Variants in ENTREP2 observed in about 807,000 individuals in gnomAD.
The protein encoded by ENTREP2 is endosomal transmembrane epsin interactor 2, also known as protein ENTREP2.
the ENTREP2 span, among the ~76,000 whole-genome samples, chr15:29,243,191 A>T: frequency 6.6e-6 from 1 of 152,238 alleles, no homozygotes; most frequent in Non-Finnish European, 1.5e-5. Context: ...ACAAGCTGGG[A>T]ATCCATGTTT....
the ENTREP2 span, among the ~76,000 whole-genome samples, chr15:29,573,385 C>A: frequency 6.6e-6 from 1 of 152,142 alleles, no homozygotes; most frequent in Non-Finnish European, 1.5e-5. Flanking sequence ...AAACAATGAA[C>A]AATTCATGAA....
the ENTREP2 span, among the ~76,000 whole-genome samples, chr15:29,547,221 G>T: frequency 6.6e-6 from 1 of 150,884 alleles, no homozygotes; most frequent in Non-Finnish European, 1.5e-5. Context: ...AAGTAGCTGG[G>T]ATTATAGGTG....
At chr15:29,160,649 C>CA in the ENTREP2 span, among the ~76,000 whole-genome samples, 1 of 135,522 alleles carries the variant, frequency 7.4e-6, no homozygotes, top group Non-Finnish European at 1.5e-5. Context: ...GCAGAGGTTG[C>CA]AGTGAGCCAA....
At chr15:29,606,044 C>T in the ENTREP2 span, among the ~76,000 whole-genome samples, 1 of 152,084 alleles carries the variant, frequency 6.6e-6, no homozygotes, top group East Asian at 1.9e-4. Flanking sequence ...ATTTTTATAG[C>T]TTTATCACCC....
the ENTREP2 span, among the ~76,000 whole-genome samples, chr15:29,504,211 A>C: frequency 9.2e-5 from 14 of 152,336 alleles, no homozygotes; most frequent in Admixed American, 8.5e-4. Context: ...CCCCTGCAGC[A>C]TGTTGTAAAG....
At chr15:29,659,267 G>A in the ENTREP2 span, among the ~76,000 whole-genome samples, 1 of 152,134 alleles carries the variant, frequency 6.6e-6, no homozygotes, top group Non-Finnish European at 1.5e-5. Context: ...TCAGGAGATC[G>A]AGGCCATCCT....
chr15:29,597,086 CAAAAA>C, the ENTREP2 span, among the ~76,000 whole-genome samples: 80 of 143,810 alleles, frequency 5.6e-4, no homozygotes, highest in Middle Eastern at 3.5e-3. Flanking sequence ...ATCACTCATA[CAAAAA>C]AAAAAAAAAA....
chr15:29,667,378 C>T, the ENTREP2 span, among the ~76,000 whole-genome samples: 2 of 150,506 alleles, frequency 1.3e-5, no homozygotes, highest in Non-Finnish European at 3.0e-5. Flanking sequence ...TTAATAGAGA[C>T]GGGGTTTCAC....
the ENTREP2 span, among the ~76,000 whole-genome samples, chr15:29,654,630 C>T: frequency 1.6e-4 from 24 of 152,290 alleles, no homozygotes; most frequent in African/African-American, 5.5e-4. Flanking sequence ...AGATCCATAT[C>T]TCTATGTAAG....
At chr15:29,161,956 C>T in the ENTREP2 span, among the ~76,000 whole-genome samples, 123 of 152,132 alleles carry the variant, frequency 8.1e-4, no homozygotes, top group Non-Finnish European at 1.4e-3. Flanking sequence ...ACTGCTCTTG[C>T]AGGACCTGGA....
At chr15:29,521,548 CT>C in the ENTREP2 span, among the ~76,000 whole-genome samples, 2 of 152,144 alleles carry the variant, frequency 1.3e-5, no homozygotes, top group Non-Finnish European at 2.9e-5. Flanking sequence ...AGAGACATAT[CT>C]GTCTTGCAAC....
At chr15:29,313,046 A>G in the ENTREP2 span, among the ~76,000 whole-genome samples, 1 of 152,238 alleles carries the variant, frequency 6.6e-6, no homozygotes, top group South Asian at 2.1e-4. Flanking sequence ...GTGGTCTAAC[A>G]GAAGATCAAA....
At chr15:29,323,952 C>A in the ENTREP2 span, among the ~76,000 whole-genome samples, 3 of 151,980 alleles carry the variant, frequency 2.0e-5, no homozygotes, top group South Asian at 2.1e-4. Flanking sequence ...AACTCTAGGG[C>A]AACCACTAAA....
At chr15:29,404,848 C>T in the ENTREP2 span, among the ~76,000 whole-genome samples, 1 of 152,046 alleles carries the variant, frequency 6.6e-6, no homozygotes, top group Non-Finnish European at 1.5e-5. Flanking sequence ...CCCACTCACC[C>T]AGATGTGCCT....
chr15:29,202,516 T>G, the ENTREP2 span, among the ~76,000 whole-genome samples: 1 of 152,296 alleles, frequency 6.6e-6, no homozygotes, highest in Non-Finnish European at 1.5e-5. Flanking sequence ...AGGTGCAGAA[T>G]GTACAGGTTT....
chr15:29,246,837 A>G, the ENTREP2 span, among the ~76,000 whole-genome samples: 1 of 151,476 alleles, frequency 6.6e-6, no homozygotes, highest in African/African-American at 2.4e-5. Context: ...TCCCTGTTTA[A>G]CAGCAGAGAA....
At chr15:29,547,405 T>A in the ENTREP2 span, among the ~76,000 whole-genome samples, 1 of 152,190 alleles carries the variant, frequency 6.6e-6, no homozygotes, top group South Asian at 2.1e-4. Flanking sequence ...ATTCTATTTT[T>A]AAAAATGAGT....
chr15:29,518,220 C>G, the ENTREP2 span, among the ~76,000 whole-genome samples: 2 of 151,652 alleles, frequency 1.3e-5, no homozygotes, highest in South Asian at 2.1e-4. Flanking sequence ...CAAAACAAAA[C>G]AAAACAAAAA....
At chr15:29,434,377 G>C in the ENTREP2 span, among the ~76,000 whole-genome samples, 8 of 152,140 alleles carry the variant, frequency 5.3e-5, no homozygotes, top group Non-Finnish European at 1.0e-4. Context: ...TCCTAAACAA[G>C]CCTCACATAA....
Sources: allele counts gnomAD v4.1 joint callset (sites outside exome capture counted in the v4.1 genomes callset), GRCh38; gene constraint gnomAD v4.1.1; transcripts MANE v1.5; gene names NCBI Gene and HGNC (gene_info 2026-07-23, HGNC 2026-07-21).